The following TUT4 variants were observed in gnomAD, a reference collection of about 807,000 sequenced individuals.
The protein encoded by TUT4 is terminal uridylyltransferase 4.
Under a neutral mutation model 192.2 loss-of-function variants are expected in TUT4, and 36 were observed. The ratio of observed to expected loss-of-function variants is 0.19; its 90% CI spans 0.14 to 0.25. TUT4 has a LOEUF of 0.25. Ranked by LOEUF, TUT4 falls within the 10% of genes least tolerant of loss-of-function variation. The pLI, the probability that TUT4 is intolerant of heterozygous loss-of-function variation, is 1.00. For missense variants in TUT4, 1,493 were observed against 1,957.2 expected, an observed-to-expected ratio of 0.76 and a Z score of 4.47; for synonymous variants, 618 against 666.0, an observed-to-expected ratio of 0.93 and a Z score of 1.11.
At chr1:52,457,727 A>G (rs149813838) in intron 20 of TUT4, among the ~76,000 whole-genome samples, 1,882 of 152,312 alleles carry the variant, frequency 0.012, 34 homozygotes, top group African/African-American at 0.043. Context: ...TGGATGATTA[A>G]TATCTCCTTT....
chr1:52,491,230 A>G lies in TUT4; in HGVS notation c.1319-429T>C, dbSNP rs148497634. On this transcript the variant is annotated intron_variant, in intron 7 of 29. Coordinates refer to ENST00000257177, the MANE Select transcript of TUT4 (RefSeq NM_001009881.3). ...TTAGTTCTTTTAAATTACCAATGTA[A>G]TTACAACCTAACTCTTCAGGCCACA... 4.6e-5 allele frequency among the ~76,000 whole-genome samples: 7 copies of G among 152,306 alleles called. No individual in the cohort carries two copies. In the East Asian group the frequency reaches 1.3e-3, roughly 29 times the overall value.
intron 20 of TUT4, among the ~76,000 whole-genome samples, chr1:52,451,447 A>G (rs1239535210): frequency 6.6e-6 from 1 of 152,216 alleles, no homozygotes; most frequent in Non-Finnish European, 1.5e-5. Flanking sequence ...ACAGAAATGA[A>G]AGAGGGGATA....
intron 20 of TUT4, among the ~76,000 whole-genome samples, chr1:52,448,344 T>C (rs1658213668): frequency 6.6e-6 from 1 of 152,028 alleles, no homozygotes; most frequent in Non-Finnish European, 1.5e-5. Context: ...TCCCAGCACT[T>C]TGGGAGGCCG....
chr1:52,445,773 T>C lies in TUT4; in HGVS notation c.3822+14A>G. ...AAAAAGAAAAGATTCACAATTCATA[T>C]AATGTAAACTTACAGCTTCTCTGCC... On this transcript the variant is annotated intron_variant, in intron 24 of 29. Coordinates refer to ENST00000257177, the MANE Select transcript of TUT4 (RefSeq NM_001009881.3). 1 of 1,567,618 alleles carries C rather than the reference T, an allele frequency of 6.4e-7. No individual in the cohort carries two copies. Among genetic ancestry groups the C allele is most frequent in the East Asian group, 2.2e-5 (1 of 44,526 alleles).
At chr1:52,530,089 T>C (rs896434027) in intron 1 of TUT4, among the ~76,000 whole-genome samples, 7 of 152,098 alleles carry the variant, frequency 4.6e-5, no homozygotes, top group African/African-American at 1.4e-4. Context: ...GCAATCCTCC[T>C]GCCTCGGCTT....
At chr1:52,447,738 C>T (rs1657994673) in intron 20 of TUT4, among the ~76,000 whole-genome samples, 1 of 152,180 alleles carries the variant, frequency 6.6e-6, no homozygotes, top group Admixed American at 6.5e-5. Flanking sequence ...TTTCTAGCCT[C>T]TATCCTGAGG....
rs941819622 is a variant in TUT4 at position 52,490,949 on chromosome 1, C to A, written c.1319-148G>T. ...CTTCTCATTATGAGCACCAACCCAGCGAAATCTCTTACCTCTCCTGGTGTC... is the reference window on the plus strand; with the variant it reads ...CTTCTCATTATGAGCACCAACCCAGAGAAATCTCTTACCTCTCCTGGTGTC... On this transcript the variant is annotated intron_variant, in intron 7 of 29. Transcript: ENST00000257177. The A allele has an allele frequency of 4.5e-6, 3 of 663,742 alleles. No individual in the cohort carries two copies. In the African/African-American group the frequency reaches 5.5e-5, roughly 12 times the overall value. 41.1% of individuals were successfully genotyped at this position (663,742 alleles called of 1,614,324 possible).
At chr1:52,514,777 A>ATTTTTTTTTTTTTTTTTTTTT (rs34845083) in intron 3 of TUT4, 1 of 135,602 alleles carries the variant, frequency 7.4e-6, no homozygotes, top group Non-Finnish European at 1.6e-5. Flanking sequence ...TTTATTTGTG[A>ATTTTTTTTTTTTTTTTTTTTT]TTTTTTTTTT....
intron 1 of TUT4, among the ~76,000 whole-genome samples, chr1:52,535,827 C>A (rs1407040885): frequency 6.6e-6 from 1 of 152,058 alleles, no homozygotes; most frequent in Non-Finnish European, 1.5e-5. Flanking sequence ...CCATAAGAAA[C>A]CATGGAAATG....
chr1:52,522,970 A>G (rs1680684439), intron 2 of TUT4, among the ~76,000 whole-genome samples: 1 of 148,190 alleles, frequency 6.7e-6, no homozygotes, highest in Non-Finnish European at 1.5e-5. Context: ...AATTCAAATA[A>G]CAAGACCCTT....
In TUT4 at chr1:52,472,105, A is replaced by G; in HGVS notation, c.2728-3T>C. Reference sequence around the variant, plus strand: ...ATGCTGCATACTATCGTTGGTGGCTACACAAAGATAAAAAGAAATCTAATC... The same window carrying G: ...ATGCTGCATACTATCGTTGGTGGCTGCACAAAGATAAAAAGAAATCTAATC... On this transcript the variant is annotated splice_region_variant and splice_polypyrimidine_tract_variant and intron_variant, in intron 13 of 29. Coordinates refer to ENST00000257177, the MANE Select transcript of TUT4 (RefSeq NM_001009881.3). 1 of 1,612,008 alleles carries G rather than the reference A, an allele frequency of 6.2e-7. No homozygotes were observed. The highest frequency in any genetic ancestry group is 8.5e-7 in the Non-Finnish European group (1 of 1,179,226).
At chr1:52,427,294 A>G (rs950654709) in intron 28 of TUT4, among the ~76,000 whole-genome samples, 1 of 152,182 alleles carries the variant, frequency 6.6e-6, no homozygotes, top group Admixed American at 6.5e-5. Flanking sequence ...GCTTTGAGGC[A>G]GCACAGAAGA....
In TUT4 at chr1:52,470,415, C is replaced by T. The variant is rs1013135857; in HGVS notation, c.2878+1537G>A. Among the ~76,000 whole-genome samples the T allele has an allele frequency of 6.6e-5, 10 of 151,730 alleles. No homozygotes were observed. The East Asian group carries it at 1.9e-3, about 29-fold the overall frequency. ...GCTGCTAAAAAACACGTGCCATGAC[C>T]CAGCCATTCTAAGTATTTAGTCAAG... On this transcript the variant is annotated intron_variant, in intron 14 of 29. Coordinates refer to ENST00000257177, the MANE Select transcript of TUT4 (RefSeq NM_001009881.3).
At chr1:52,538,195 C>T (rs1231111555) in intron 1 of TUT4, among the ~76,000 whole-genome samples, 1 of 152,072 alleles carries the variant, frequency 6.6e-6, no homozygotes, top group African/African-American at 2.4e-5. Context: ...AAGACTGCAT[C>T]GCTGCACTCC....
chr1:52,448,960 G>A (rs1267629423), intron 20 of TUT4, among the ~76,000 whole-genome samples: 2 of 152,086 alleles, frequency 1.3e-5, no homozygotes, highest in Admixed American at 6.6e-5. Context: ...GCCTTGTAAC[G>A]TTAATCATCA....
At chr1:52,461,109 A>AG in intron 19 of TUT4, 25 bp downstream of exon 19, 1 of 1,508,576 alleles carries the variant, frequency 6.6e-7, no homozygotes, top group Non-Finnish European at 9.0e-7. Context: ...TGAACAAAGC[A>AG]GATCATTAAT....
chr1:52,430,343 C>T (rs889252535), intron 28 of TUT4, among the ~76,000 whole-genome samples: 14 of 152,116 alleles, frequency 9.2e-5, no homozygotes, highest in Non-Finnish European at 1.6e-4. Context: ...AGTGCAATGG[C>T]GCAATCTCGG....
chr1:52,496,557 T>A (rs535702048), intron 5 of TUT4, among the ~76,000 whole-genome samples: 6 of 152,234 alleles, frequency 3.9e-5, no homozygotes, highest in Admixed American at 2.6e-4. Context: ...AGTCCATATA[T>A]AAATATCTAA....
chr1:52,484,368 T>C (rs1014042322), intron 9 of TUT4, among the ~76,000 whole-genome samples: 1 of 151,906 alleles, frequency 6.6e-6, no homozygotes, highest in African/African-American at 2.4e-5. Context: ...TTAGAGTCTA[T>C]GTGAAGGTTA....
Sources: gnomAD v4.1 joint callset for allele counts (sites outside exome capture counted in the v4.1 genomes callset) on GRCh38, gnomAD v4.1.1 for gene constraint, MANE v1.5 for transcripts, NCBI Gene and HGNC (gene_info 2026-07-23, HGNC 2026-07-21) for gene names.